The following DRAXIN variants were observed in gnomAD, a reference collection of about 807,000 sequenced individuals.
The protein encoded by DRAXIN is dorsal inhibitory axon guidance protein.
In DRAXIN, 27 loss-of-function variants were observed where a neutral mutation model predicts 33.9. That is an observed-to-expected ratio of 0.80 (90% CI 0.59 to 1.10). The LOEUF (loss-of-function observed/expected upper bound fraction) is 1.10, where lower values mean the gene tolerates loss of function less well. DRAXIN is among the 50% of genes least tolerant of loss of function. DRAXIN has a pLI of 0.00. For synonymous variants in DRAXIN, 178 were observed against 194.0 expected (o/e 0.92, Z 0.69); for missense variants, 371 against 460.8 (o/e 0.81, Z 1.78).
rs1208746151 is a variant in DRAXIN at position 11,720,544 on chromosome 1, G to A, written c.*848G>A. ...GGAGGCAGAGGTTGCAGTGAGCAGAGATCGTGCCACTGCACTCCAGCCTGG... is the reference window on the plus strand; with the variant it reads ...GGAGGCAGAGGTTGCAGTGAGCAGAAATCGTGCCACTGCACTCCAGCCTGG... On this transcript the variant is annotated 3_prime_UTR_variant, in exon 7 of 7. Coordinates refer to ENST00000294485, the MANE Select transcript of DRAXIN (RefSeq NM_198545.4). 2.1e-5 allele frequency: 3 copies of A among 142,064 alleles called. No homozygotes were observed. The highest frequency in any genetic ancestry group is 7.9e-5 in the African/African-American group (3 of 38,076). 8.8% of individuals were successfully genotyped at this position (142,064 alleles called of 1,614,324 possible).
At chr1:11,710,339 T>A (rs180926620) in intron 3 of DRAXIN, among the ~76,000 whole-genome samples, 6 of 150,656 alleles carry the variant, frequency 4.0e-5, no homozygotes, top group South Asian at 2.1e-4. Context: ...AAAACTTTTT[T>A]AAAAAATTAG....
intron 6 of DRAXIN, among the ~76,000 whole-genome samples, chr1:11,718,864 A>G (rs1028522494): frequency 6.6e-5 from 10 of 151,990 alleles, no homozygotes; most frequent in Admixed American, 6.5e-4. Context: ...TATTAATAAC[A>G]TCTTGCAATC....
chr1:11,710,758 C>CA (rs1222886420), intron 3 of DRAXIN, among the ~76,000 whole-genome samples: 5,124 of 105,176 alleles, frequency 0.049, 321 homozygotes, highest in African/African-American at 0.15. Context: ...ACTAAAAATA[C>CA]AAAAAAAAAA....
chr1:11,715,692 C>T (rs903942382), intron 6 of DRAXIN, among the ~76,000 whole-genome samples: 8 of 152,150 alleles, frequency 5.3e-5, no homozygotes, highest in Admixed American at 2.6e-4. Context: ...TCAACTCCTC[C>T]GTGCCCCCAC....
intron 6 of DRAXIN, 131 bp downstream of exon 6, chr1:11,715,339 G>A (rs938490154): frequency 2.5e-5 from 28 of 1,102,384 alleles, no homozygotes; most frequent in East Asian, 5.1e-5. Flanking sequence ...GGCCTGCGGC[G>A]GGGGTGTAGG....
Position 11,705,995 on chromosome 1 carries a change from C to G in DRAXIN, c.-10-254C>G, listed in dbSNP as rs1641370645. Among the ~76,000 whole-genome samples, 1 of 151,998 alleles carries G rather than the reference C, an allele frequency of 6.6e-6. No homozygotes were observed. Among genetic ancestry groups the G allele is most frequent in the African/African-American group, 2.4e-5 (1 of 41,364 alleles). On this transcript the variant is annotated intron_variant, in intron 1 of 6. Transcript: ENST00000294485. This position sits in a 1 kb window ranked among gnomAD's most constrained non-coding sequence, Gnocchi z 4.8. ...CCTCGGTACTGTTGTTTTTCTGGGC[C>G]GGATGATTCTTGGTTTCGGGGGCTG...
chr1:11,716,212 G>T (rs960574561), intron 6 of DRAXIN, among the ~76,000 whole-genome samples: 9 of 152,194 alleles, frequency 5.9e-5, no homozygotes, highest in African/African-American at 9.6e-5. Context: ...ATATACTAAA[G>T]TAGTTAGAAT....
intron 1 of DRAXIN, among the ~76,000 whole-genome samples, chr1:11,700,945 C>T (rs1316390366): frequency 6.6e-6 from 1 of 152,180 alleles, no homozygotes; most frequent in Non-Finnish European, 1.5e-5. Context: ...GGGGCAGGAT[C>T]CCCCGAGTCT....
rs1016723912 is a variant in DRAXIN, at chr1:11,706,364, A to G, written c.106A>G (p.Asn36Asp). 2.2e-5 allele frequency: 35 copies of G among 1,613,720 alleles called. No homozygotes were observed. Among genetic ancestry groups the G allele is most frequent in the African/African-American group, 2.7e-5 (2 of 74,918 alleles). The part of the protein sequence containing the change: ...GALAPGTPAR[N>D]LPENHIDLPG... ...CCTTGCACCTGGGACCCCTGCCCGGAACCTCCCTGAGAATCACATTGACCT... is the reference window on the plus strand; with the variant it reads ...CCTTGCACCTGGGACCCCTGCCCGGGACCTCCCTGAGAATCACATTGACCT... Residue 36 changes from asparagine to aspartate, a missense_variant, in exon 2 of 7, where the codon AAC becomes GAC. By Grantham distance (23) the Asn-to-Asp change is conservative. Coordinates refer to ENST00000294485, the MANE Select transcript of DRAXIN (RefSeq NM_198545.4). This position sits in a 1 kb window ranked among gnomAD's most constrained non-coding sequence, Gnocchi z 5.5.
upstream of DRAXIN, among the ~76,000 whole-genome samples, chr1:11,689,958 G>T (rs1349109825): frequency 1.3e-5 from 2 of 151,758 alleles, no homozygotes; most frequent in Non-Finnish European, 2.9e-5. Flanking sequence ...CTTTGCAGTG[G>T]CTCTTCTGCT....
chr1:11,688,627 T>C (rs1471551699), upstream of DRAXIN, among the ~76,000 whole-genome samples: 2 of 152,080 alleles, frequency 1.3e-5, no homozygotes, highest in Non-Finnish European at 2.9e-5. The surrounding 1 kb of genome is among the most constrained non-coding windows in gnomAD (Gnocchi z 4.6). Context: ...GTCTCTGCTC[T>C]GCTCATGGTC....
chr1:11,709,217 A>G, intron 2 of DRAXIN, 58 bp from the exon 3 acceptor site: 1 of 1,518,062 alleles, frequency 6.6e-7, no homozygotes. Context: ...GTTCTACTGT[A>G]GACTGCCACG....
Position 11,694,011 on chromosome 1 carries a change from GCCCTGC to G in DRAXIN, c.-11+2161_-11+2166del, listed in dbSNP as rs1641151146. 6.6e-6 allele frequency among the ~76,000 whole-genome samples: 1 copy of G among 152,132 alleles called. No homozygotes were observed. Among genetic ancestry groups the G allele is most frequent in the Non-Finnish European group, 1.5e-5 (1 of 68,036 alleles). On this transcript the variant is annotated intron_variant, in intron 1 of 6. Transcript: ENST00000294485. This position sits in a 1 kb window ranked among gnomAD's most constrained non-coding sequence, Gnocchi z 4.9. ...CTGAGCTTTTGCTAGGGCTCTTTCTGCCCTGCCCTGTGTTTGATCTCAGCCCTCTGT... is the reference window on the plus strand; with the variant it reads ...CTGAGCTTTTGCTAGGGCTCTTTCTGCCTGTGTTTGATCTCAGCCCTCTGT...
chr1:11,715,800 T>C (rs1356540605), intron 6 of DRAXIN, among the ~76,000 whole-genome samples: 1 of 152,162 alleles, frequency 6.6e-6, no homozygotes, highest in Non-Finnish European at 1.5e-5. Flanking sequence ...ACTGTACAAA[T>C]AAGCCAACTG....
chr1:11,690,053 A>C (rs1465181998), upstream of DRAXIN, among the ~76,000 whole-genome samples: 2 of 152,004 alleles, frequency 1.3e-5, no homozygotes, highest in East Asian at 3.8e-4. This position sits in a 1 kb window ranked among gnomAD's most constrained non-coding sequence, Gnocchi z 4.2. Flanking sequence ...GCCTTTCCTA[A>C]TAACTTTATG....
upstream of DRAXIN, among the ~76,000 whole-genome samples, chr1:11,687,783 C>G (rs72869757): frequency 2.0e-5 from 3 of 152,188 alleles, no homozygotes; most frequent in Non-Finnish European, 2.9e-5. This position sits in a 1 kb window ranked among gnomAD's most constrained non-coding sequence, Gnocchi z 4.1. Flanking sequence ...TCATCCAGGT[C>G]GAATCACATA....
At chr1:11,690,910 G>T (rs1428833006), upstream of DRAXIN, among the ~76,000 whole-genome samples, 1 of 151,804 alleles carries the variant, frequency 6.6e-6, no homozygotes, top group African/African-American at 2.4e-5. This position sits in a 1 kb window ranked among gnomAD's most constrained non-coding sequence, Gnocchi z 4.2. Flanking sequence ...GGGGCGTGGC[G>T]AGAGCCGCGC....
chr1:11,686,789 C>A (rs527502780), upstream of DRAXIN, among the ~76,000 whole-genome samples: 20 of 141,328 alleles, frequency 1.4e-4, no homozygotes, highest in Admixed American at 8.2e-4. Context: ...AACTTTTGAT[C>A]CAGCTCAACT....
intron 6 of DRAXIN, among the ~76,000 whole-genome samples, chr1:11,717,925 G>GGCA (rs1350499833): frequency 6.9e-6 from 1 of 144,786 alleles, no homozygotes; most frequent in East Asian, 2.0e-4. Flanking sequence ...GAGCCCAGGA[G>GGCA]GCAGAGATTG....
Sources: allele counts gnomAD v4.1 joint callset (sites outside exome capture counted in the v4.1 genomes callset), GRCh38; gene constraint gnomAD v4.1.1; non-coding constraint Gnocchi (gnomAD v3.1); transcripts MANE v1.5; gene names NCBI Gene and HGNC (gene_info 2026-07-23, HGNC 2026-07-21).